Variants in PKNOX1 observed in about 807,000 individuals in gnomAD.
PKNOX1 encodes PBX/knotted 1 homeobox 1, also known as homeobox protein PKNOX1.
Under a neutral mutation model 51.9 loss-of-function variants are expected in PKNOX1, and 15 were observed. The ratio of observed to expected loss-of-function variants is 0.29; its 90% confidence interval spans 0.19 to 0.45. PKNOX1 has a LOEUF of 0.45. Ranked by LOEUF, PKNOX1 falls within the 20% of genes least tolerant of loss-of-function variation. The pLI is 1.00. For missense variants in PKNOX1, 462 were observed against 547.5 expected, an observed-to-expected ratio of 0.84 and a Z score of 1.56; for synonymous variants, 219 against 211.1, an observed-to-expected ratio of 1.04 and a Z score of -0.32.
chr21:42,974,736 G>C, intron 1 of PKNOX1, 72 bp downstream of exon 1: 1 of 159,420 alleles, frequency 6.3e-6, no homozygotes, highest in Non-Finnish European at 1.3e-5. Flanking sequence ...CAATCACACC[G>C]GCCCGCGGCC....
chr21:42,978,098 T>C, intron 1 of PKNOX1, among the ~76,000 whole-genome samples: 1 of 151,752 alleles, frequency 6.6e-6, no homozygotes, highest in East Asian at 1.9e-4. Flanking sequence ...CTCTGCCTCC[T>C]GGGTGCAAGC....
intron 5 of PKNOX1, among the ~76,000 whole-genome samples, chr21:43,016,378 G>GCC (rs1390195793): frequency 6.6e-6 from 1 of 152,238 alleles, no homozygotes; most frequent in Non-Finnish European, 1.5e-5. Flanking sequence ...GGAAAGCCAA[G>GCC]ATCACACTTA....
At chr21:43,029,445 T>TTTTTTTTTTTTTTTTTTTTAA in intron 10 of PKNOX1, among the ~76,000 whole-genome samples, 1 of 70,128 alleles carries the variant, frequency 1.4e-5, no homozygotes, top group East Asian at 4.3e-4. Context: ...TTTTTTTTTT[T>TTTTTTTTTTTTTTTTTTTTAA]GAGACAGAGT....
intron 1 of PKNOX1, among the ~76,000 whole-genome samples, chr21:43,001,829 A>G (rs1298469677): frequency 1.3e-5 from 2 of 152,016 alleles, no homozygotes; most frequent in East Asian, 1.9e-4. Context: ...ACGTAGTCGC[A>G]GGCGCCTGTA....
chr21:42,981,593 T>A (rs919906796), intron 1 of PKNOX1, among the ~76,000 whole-genome samples: 5 of 152,180 alleles, frequency 3.3e-5, no homozygotes, highest in Admixed American at 3.3e-4. Context: ...AGGGTCTCAC[T>A]TTTTCACCCA....
At chr21:43,001,085 G>A (rs1450346328) in intron 1 of PKNOX1, among the ~76,000 whole-genome samples, 1 of 152,170 alleles carries the variant, frequency 6.6e-6, no homozygotes, top group Non-Finnish European at 1.5e-5. Flanking sequence ...GCCAGGTTAT[G>A]GTCAAGGCGG....
intron 8 of PKNOX1, chr21:43,024,456 C>T (rs78009239): frequency 0.018 from 2,820 of 157,566 alleles, 93 homozygotes; most frequent in African/African-American, 0.064. Flanking sequence ...CAGAGGCTCC[C>T]GGGCCAGAAC....
chr21:42,981,421 G>A (rs1005734033), intron 1 of PKNOX1, among the ~76,000 whole-genome samples: 6 of 152,264 alleles, frequency 3.9e-5, no homozygotes, highest in African/African-American at 1.2e-4. Context: ...ATAGAAGGCA[G>A]TGTGGTAATT....
At position 42,980,110 on chromosome 21, in the gene PKNOX1, C is replaced by T. The variant is rs1377685652; in HGVS notation, c.-57+5446C>T. ...TTGTGAGGCCAGGTGCGGTGGCTCACACCTGTAATCCTAGCGCTTTGGGAG... is the reference window on the plus strand; with the variant it reads ...TTGTGAGGCCAGGTGCGGTGGCTCATACCTGTAATCCTAGCGCTTTGGGAG... On this transcript the variant is annotated intron_variant, in intron 1 of 10. Transcript: ENST00000291547. 2.0e-5 allele frequency among the ~76,000 whole-genome samples: 3 copies of T among 152,146 alleles called. No individual in the cohort carries two copies. The East Asian group carries it at 5.8e-4, about 29-fold the overall frequency.
chr21:43,018,873 A>G (rs1979629949), intron 7 of PKNOX1, among the ~76,000 whole-genome samples: 1 of 151,962 alleles, frequency 6.6e-6, no homozygotes, highest in Non-Finnish European at 1.5e-5. Context: ...ACAGATCACG[A>G]GGTCAGGAGT....
chr21:43,018,258 T>C (rs1979589777), intron 7 of PKNOX1, 28 bp downstream of exon 7: 2 of 1,461,564 alleles, frequency 1.4e-6, no homozygotes, highest in Admixed American at 1.7e-5. Context: ...TGGAAGGCTT[T>C]GGGGGCGAGT....
intron 1 of PKNOX1, among the ~76,000 whole-genome samples, chr21:42,981,167 G>A (rs1275562267): frequency 2.0e-5 from 3 of 152,212 alleles, no homozygotes; most frequent in African/African-American, 7.2e-5. Flanking sequence ...CTGTTCAGGA[G>A]GACATGTAGA....
chr21:43,012,968 A>G (rs1412455784), intron 4 of PKNOX1, 100 bp from the exon 5 acceptor site: 1 of 900,628 alleles, frequency 1.1e-6, no homozygotes, highest in East Asian at 2.6e-5. Context: ...TTGGCAGTAG[A>G]GATGGTTCTA....
In PKNOX1 at chr21:42,983,018, C is replaced by T. The variant is rs554472364; in HGVS notation, c.-57+8354C>T. Among the ~76,000 whole-genome samples, 56 of 152,218 alleles carry T rather than the reference C, an allele frequency of 3.7e-4. 2 individuals are homozygous for T. In the South Asian group the frequency reaches 0.011, roughly 31 times the overall value. ...AGAGATGGAGTTTTACCATGTTGGC[C>T]AGGCTGGTCTCGAACTCCTGACCTC... On this transcript the variant is annotated intron_variant, in intron 1 of 10. Coordinates refer to ENST00000291547, the MANE Select transcript of PKNOX1 (RefSeq NM_004571.5).
chr21:42,975,449 T>G (rs1426329556), intron 1 of PKNOX1, among the ~76,000 whole-genome samples: 1 of 151,970 alleles, frequency 6.6e-6, no homozygotes, highest in African/African-American at 2.4e-5. Flanking sequence ...GTCACACGGG[T>G]CGTGGTAATG....
intron 1 of PKNOX1, among the ~76,000 whole-genome samples, chr21:42,985,554 C>T (rs1215113263): frequency 7.3e-5 from 11 of 149,920 alleles, no homozygotes; most frequent in South Asian, 2.2e-4. Flanking sequence ...AGGCTGGTCT[C>T]GAACTCCTGA....
chr21:43,013,181 C>T lies in PKNOX1; in HGVS notation c.465C>T (p.Asn155=). 5.6e-6 allele frequency: 9 copies of T among 1,613,878 alleles called. No homozygotes were observed. Among genetic ancestry groups the T allele is most frequent in the Non-Finnish European group, 7.6e-6 (9 of 1,179,824 alleles). Residue 155 remains asparagine, a synonymous_variant, in exon 5 of 11, where the codon AAC becomes AAT. Transcript: ENST00000291547. ...RYIACLKTKM[N]SETLLSGEPG... ...TTGCTTGTCTGAAAACAAAAATGAACAGTGAAACTCTGTTGAGTGGAGAGC... is the reference window on the plus strand; with the variant it reads ...TTGCTTGTCTGAAAACAAAAATGAATAGTGAAACTCTGTTGAGTGGAGAGC...
In PKNOX1 at chr21:43,013,059, C is replaced by G; in HGVS notation, c.352-9C>G. The G allele has an allele frequency of 6.4e-7, 1 of 1,570,136 alleles. No individual in the cohort carries two copies. The highest frequency in any genetic ancestry group is 8.7e-7 in the Non-Finnish European group (1 of 1,155,986). On this transcript the variant is annotated splice_polypyrimidine_tract_variant and intron_variant, in intron 4 of 10. Coordinates refer to ENST00000291547, the MANE Select transcript of PKNOX1 (RefSeq NM_004571.5). ...TTTTCTCTGAAAGTCTTCATTTTCT[C>G]TGCTCTAGATGGTAAAAGCAATCCA...
chr21:42,988,755 T>C (rs2059069899), intron 1 of PKNOX1, among the ~76,000 whole-genome samples: 1 of 151,880 alleles, frequency 6.6e-6, no homozygotes, highest in Non-Finnish European at 1.5e-5. Flanking sequence ...GGCTCCTTGG[T>C]CAGGGCTGGC....
Sources: gnomAD v4.1 joint callset for allele counts (sites outside exome capture counted in the v4.1 genomes callset) on GRCh38, gnomAD v4.1.1 for gene constraint, MANE v1.5 for transcripts, NCBI Gene and HGNC (gene_info 2026-07-23, HGNC 2026-07-21) for gene names.